Variants in NAALADL2 observed in about 807,000 individuals in gnomAD.
NAALADL2 encodes the protein inactive N-acetylated-alpha-linked acidic dipeptidase-like protein 2.
A neutral mutation model predicts 87.2 loss-of-function variants in NAALADL2; 76 were observed. The observed-to-expected ratio is 0.87, with a 90% CI of 0.72 to 1.05. NAALADL2 has a LOEUF of 1.05. Ranked by LOEUF, NAALADL2 falls within the 50% of genes least tolerant of loss-of-function variation. NAALADL2 has a pLI of 0.00. For missense variants in NAALADL2, 1,089 were observed against 945.8 expected, an observed-to-expected ratio of 1.15 and a Z score of -1.99; for synonymous variants, 354 against 331.0, an observed-to-expected ratio of 1.07 and a Z score of -0.75.
intron 2 of NAALADL2, among the ~76,000 whole-genome samples, chr3:174,669,538 G>A (rs1726319606): frequency 6.6e-6 from 1 of 152,008 alleles, no homozygotes; most frequent in Admixed American, 6.6e-5. Flanking sequence ...CTTGTCAAAG[G>A]TAATTTGACC....
At chr3:175,046,117 G>C (rs1436445609) in intron 1 of NAALADL2, among the ~76,000 whole-genome samples, 1 of 151,884 alleles carries the variant, frequency 6.6e-6, no homozygotes, top group Non-Finnish European at 1.5e-5. Flanking sequence ...AAGTGGAAAA[G>C]TACAATGTAT....
chr3:175,625,649 G>A (rs945923340), intron 10 of NAALADL2, among the ~76,000 whole-genome samples: 1 of 151,960 alleles, frequency 6.6e-6, no homozygotes, highest in African/African-American at 2.4e-5. Flanking sequence ...TTTGGCCATA[G>A]AGAAGTTTCA....
chr3:174,470,064 CAGTT>C (rs1716803369), intron 1 of NAALADL2, among the ~76,000 whole-genome samples: 1 of 143,194 alleles, frequency 7.0e-6, no homozygotes, highest in South Asian at 2.4e-4. Flanking sequence ...AAATTGTACT[CAGTT>C]AGTTACAGTG....
At chr3:174,743,358 T>A (rs1318273050) in intron 3 of NAALADL2, among the ~76,000 whole-genome samples, 1 of 151,864 alleles carries the variant, frequency 6.6e-6, no homozygotes, top group Non-Finnish European at 1.5e-5. Flanking sequence ...GAAACCTCTC[T>A]GTTTCTGAGA....
At chr3:174,489,760 A>G (rs1252116975) in intron 1 of NAALADL2, among the ~76,000 whole-genome samples, 1 of 152,026 alleles carries the variant, frequency 6.6e-6, no homozygotes, top group Non-Finnish European at 1.5e-5. Context: ...TTGCATATCA[A>G]AGCCACAGTG....
At chr3:174,922,363 A>G (rs370843138) in intron 1 of NAALADL2, among the ~76,000 whole-genome samples, 2 of 151,916 alleles carry the variant, frequency 1.3e-5, no homozygotes, top group East Asian at 3.9e-4. Flanking sequence ...TTTTATTTTG[A>G]ACTAATTTTA....
At chr3:175,503,467 A>G (rs1158186239) in intron 9 of NAALADL2, among the ~76,000 whole-genome samples, 2 of 152,132 alleles carry the variant, frequency 1.3e-5, no homozygotes, top group African/African-American at 4.8e-5. Flanking sequence ...TGCTAGGTGG[A>G]ATGGTAATTC....
intron 4 of NAALADL2, among the ~76,000 whole-genome samples, chr3:175,271,783 A>C (rs1752882701): frequency 6.6e-6 from 1 of 152,224 alleles, no homozygotes; most frequent in Admixed American, 6.5e-5. Flanking sequence ...TGACAGAGTG[A>C]GACTTCGTCT....
At chr3:175,333,565 G>T (rs1157004658) in intron 5 of NAALADL2, among the ~76,000 whole-genome samples, 1 of 152,090 alleles carries the variant, frequency 6.6e-6, no homozygotes, top group East Asian at 1.9e-4. Context: ...AATAAACAAG[G>T]CATAGAAATA....
intron 1 of NAALADL2, among the ~76,000 whole-genome samples, chr3:175,010,710 A>G (rs1749666597): frequency 6.6e-6 from 1 of 152,098 alleles, no homozygotes; most frequent in Admixed American, 6.6e-5. Flanking sequence ...CTTTTAGTGA[A>G]ATGATTTGGT....
At chr3:174,777,721 A>G (rs1715386563) in intron 3 of NAALADL2, among the ~76,000 whole-genome samples, 1 of 152,130 alleles carries the variant, frequency 6.6e-6, no homozygotes. Flanking sequence ...AATGAAAAAT[A>G]TAGCCAACAG....
chr3:175,280,787 T>C (rs1182082142), intron 4 of NAALADL2, among the ~76,000 whole-genome samples: 5 of 152,054 alleles, frequency 3.3e-5, no homozygotes, highest in African/African-American at 9.7e-5. Flanking sequence ...AAACAATGAA[T>C]AGATGTCTGT....
At chr3:175,703,636 G>A (rs201636750) in intron 11 of NAALADL2, among the ~76,000 whole-genome samples, 53 of 152,156 alleles carry the variant, frequency 3.5e-4, no homozygotes, top group Non-Finnish European at 5.9e-4. Flanking sequence ...CCAGCTACTC[G>A]GGAGGCTGAG....
intron 4 of NAALADL2, among the ~76,000 whole-genome samples, chr3:175,262,737 A>T (rs1422538771): frequency 6.6e-6 from 1 of 151,910 alleles, no homozygotes; most frequent in African/African-American, 2.4e-5. Context: ...CCCTGGTATG[A>T]ATGAACTGAA....
chr3:175,750,567 A>G (rs13069153), intron 12 of NAALADL2, among the ~76,000 whole-genome samples: 3 of 152,176 alleles, frequency 2.0e-5, no homozygotes, highest in South Asian at 2.1e-4. Flanking sequence ...CTAAGGGATG[A>G]GGCTGGAAAG....
At chr3:174,496,406 C>T (rs1322458816) in intron 1 of NAALADL2, among the ~76,000 whole-genome samples, 2 of 151,438 alleles carry the variant, frequency 1.3e-5, no homozygotes, top group African/African-American at 4.8e-5. Context: ...TTCCTTTGCC[C>T]AGATTATAGG....
chr3:175,697,216 A>G (rs1737925545), intron 11 of NAALADL2, among the ~76,000 whole-genome samples: 1 of 152,054 alleles, frequency 6.6e-6, no homozygotes, highest in African/African-American at 2.4e-5. Flanking sequence ...TTTGCCTGCC[A>G]TCTTGAGCTC....
intron 9 of NAALADL2, among the ~76,000 whole-genome samples, chr3:175,553,107 A>T (rs1291710433): frequency 6.6e-6 from 1 of 152,142 alleles, no homozygotes; most frequent in East Asian, 1.9e-4. Flanking sequence ...CTTATAGCTC[A>T]GTGTGTATTT....
Position 174,760,709 on chromosome 3 carries a change from C to T in NAALADL2, c.-9+22963C>T, listed in dbSNP as rs143554469. Among the ~76,000 whole-genome samples the T allele has an allele frequency of 4.8e-3, 736 of 152,242 alleles. 4 individuals are homozygous for T. Among genetic ancestry groups the T allele is most frequent in the Middle Eastern group, 6.8e-3 (2 of 294 alleles). ...GCATAGGTTAAGTTTATGATTCAGC[C>T]ATTTCTAATGTGTTTGGCTGTGACT... On this transcript the variant is annotated intron_variant, in intron 3 of 3. Transcript: ENST00000434257.
Sources: gnomAD v4.1 joint callset for allele counts (sites outside exome capture counted in the v4.1 genomes callset) on GRCh38, gnomAD v4.1.1 for gene constraint, MANE v1.5 for transcripts, NCBI Gene and HGNC (gene_info 2026-07-23, HGNC 2026-07-21) for gene names.